Variants in BEND3 observed in about 807,000 individuals in gnomAD.
The protein encoded by BEND3 is BEN domain-containing protein 3.
Under a neutral mutation model 60.1 loss-of-function variants are expected in BEND3, and 13 were observed. The ratio of observed to expected loss-of-function variants is 0.22; its 90% CI spans 0.14 to 0.34. The LOEUF (loss-of-function observed/expected upper bound fraction) is 0.34. Among genes scored for constraint, BEND3 ranks in the 10% least tolerant of loss-of-function variants. BEND3 has a pLI of 1.00. For missense variants in BEND3, 896 were observed against 1,138.1 expected (o/e 0.79, Z 3.06); for synonymous variants, 497 against 491.5 (o/e 1.01, Z -0.15).
At chr6:107,098,127 T>C (rs896040545) in intron 3 of BEND3, among the ~76,000 whole-genome samples, 4 of 152,180 alleles carry the variant, frequency 2.6e-5, no homozygotes, top group African/African-American at 4.8e-5. Context: ...CTGGGCAACA[T>C]AGTGAGATCC....
rs1554231435 is a variant in BEND3, at chr6:107,069,367, G to A, written c.1824C>T (p.Pro608=). ...AGTGGCGGATGAGCTTGATGCGGGAGGGGTCCAGCTGCTTCTTGCCCAGGG... is the reference window on the plus strand; with the variant it reads ...AGTGGCGGATGAGCTTGATGCGGGAAGGGTCCAGCTGCTTCTTGCCCAGGG... The part of the protein sequence containing the change: ...SGSLGKKQLD[P]SRIKLIRHYV... The change falls in exon 4 of 4, where the codon CCC becomes CCT. Residue 608 remains proline (P), a synonymous_variant. Transcript: ENST00000369042. 6.8e-6 allele frequency: 11 copies of A among 1,612,972 alleles called. No individual in the cohort carries two copies. Among genetic ancestry groups the A allele is most frequent in the East Asian group, 2.2e-5 (1 of 44,880 alleles).
At chr6:107,076,918 C>T (rs311231) in intron 3 of BEND3, among the ~76,000 whole-genome samples, 58,427 of 151,702 alleles carry the variant, frequency 0.39, 11,233 homozygotes, top group East Asian at 0.46. Context: ...CTGCAACCTT[C>T]GCCATCACTC....
intron 3 of BEND3, among the ~76,000 whole-genome samples, chr6:107,073,448 C>T (rs1460851108): frequency 1.3e-5 from 2 of 151,492 alleles, no homozygotes; most frequent in Non-Finnish European, 2.9e-5. Flanking sequence ...CCCATCCTGT[C>T]AAACTGCATG....
intron 1 of BEND3, among the ~76,000 whole-genome samples, chr6:107,108,829 G>A (rs1775877955): frequency 6.6e-6 from 1 of 152,124 alleles, no homozygotes; most frequent in South Asian, 2.1e-4. Flanking sequence ...GATTTGAGAT[G>A]GAGTCTCGCT....
intron 1 of BEND3, among the ~76,000 whole-genome samples, chr6:107,113,460 A>C (rs1035624134): frequency 1.7e-4 from 25 of 150,846 alleles, no homozygotes; most frequent in East Asian, 1.2e-3. Context: ...AAAACAAAAA[A>C]AAAACTCATG....
At chr6:107,094,713 G>T (rs367989168) in intron 3 of BEND3, among the ~76,000 whole-genome samples, 127 of 151,744 alleles carry the variant, frequency 8.4e-4, no homozygotes, top group African/African-American at 2.8e-3. Context: ...AGTTAGCCAG[G>T]CATGGTGCTG....
Position 107,086,898 on chromosome 6 carries a change from G to A in BEND3, c.240+11653C>T, listed in dbSNP as rs564288369. Among the ~76,000 whole-genome samples the A allele has an allele frequency of 2.7e-4, 41 of 151,710 alleles. 1 individual carries two copies. In the South Asian group the frequency reaches 4.2e-3, roughly 15 times the overall value. ...AAATAAGCTGGGCATGGTTGTACAC[G>A]CCTGTAGTCACAGCTACTCGGGAGG... On this transcript the variant is annotated intron_variant, in intron 3 of 3. Coordinates refer to ENST00000369042, the MANE Select transcript of BEND3 (RefSeq NM_001367314.1).
At chr6:107,074,276 G>A (rs1434540103) in intron 3 of BEND3, among the ~76,000 whole-genome samples, 2 of 152,132 alleles carry the variant, frequency 1.3e-5, no homozygotes, top group South Asian at 2.1e-4. Context: ...TTAGTTGGGT[G>A]TGGTGGCGCG....
chr6:107,110,256 C>T (rs1209358843), intron 1 of BEND3, among the ~76,000 whole-genome samples: 2 of 152,124 alleles, frequency 1.3e-5, no homozygotes, highest in African/African-American at 4.8e-5. Flanking sequence ...GGTTTTCATA[C>T]AAAATTCACA....
chr6:107,086,547 G>A (rs926809221), intron 3 of BEND3, among the ~76,000 whole-genome samples: 2 of 151,768 alleles, frequency 1.3e-5, no homozygotes, highest in African/African-American at 2.4e-5. Context: ...TCTGGGAGGC[G>A]AAGGTTGCAG....
intron 3 of BEND3, among the ~76,000 whole-genome samples, chr6:107,096,504 C>T (rs567130579): frequency 9.9e-4 from 150 of 152,122 alleles, no homozygotes; most frequent in Middle Eastern, 3.4e-3. Context: ...CCCAGCTACT[C>T]GGGAGGATGA....
At chr6:107,072,152 CT>C (rs1774997205) in intron 3 of BEND3, among the ~76,000 whole-genome samples, 1 of 152,208 alleles carries the variant, frequency 6.6e-6, no homozygotes, top group Non-Finnish European at 1.5e-5. Flanking sequence ...AGCAGGGAGC[CT>C]TTGCTCCCAC....
At chr6:107,077,348 T>A (rs1042039262) in intron 3 of BEND3, among the ~76,000 whole-genome samples, 97 of 152,252 alleles carry the variant, frequency 6.4e-4, no homozygotes, top group African/African-American at 2.2e-3. Context: ...ACCCCACTAC[T>A]GATCAGCAGG....
intron 3 of BEND3, among the ~76,000 whole-genome samples, chr6:107,091,929 G>A (rs1254906727): frequency 1.3e-5 from 2 of 152,146 alleles, no homozygotes; most frequent in Non-Finnish European, 2.9e-5. Flanking sequence ...GATTTGAGTC[G>A]TAATTCTGTC....
At chr6:107,112,847 C>A (rs1383910639) in intron 1 of BEND3, among the ~76,000 whole-genome samples, 2 of 143,060 alleles carry the variant, frequency 1.4e-5, no homozygotes, top group East Asian at 4.2e-4. Context: ...GAGCAAAACT[C>A]TGTCTCAAGA....
At chr6:107,105,428 C>G (rs1554237298) in intron 1 of BEND3, among the ~76,000 whole-genome samples, 1 of 151,222 alleles carries the variant, frequency 6.6e-6, no homozygotes, top group African/African-American at 2.4e-5. Context: ...GTCTTCTAAG[C>G]AGGGGGCGGT....
At chr6:107,079,420 T>C (rs1048700038) in intron 3 of BEND3, among the ~76,000 whole-genome samples, 3 of 152,188 alleles carry the variant, frequency 2.0e-5, no homozygotes, top group South Asian at 2.1e-4. Context: ...GAGGGTCTAA[T>C]TGAGCTGGTT....
chr6:107,096,990 AAAAC>A (rs782248437), intron 3 of BEND3, among the ~76,000 whole-genome samples: 37 of 152,218 alleles, frequency 2.4e-4, no homozygotes, highest in South Asian at 1.0e-3. Context: ...GTCTCAGACA[AAAAC>A]AAACAAACAA....
At chr6:107,106,040 A>T (rs566105142) in intron 1 of BEND3, 5 of 152,366 alleles carry the variant, frequency 3.3e-5, no homozygotes, top group African/African-American at 1.2e-4. Flanking sequence ...AAACAAACTC[A>T]AGGATTTTAA....
Sources: allele counts gnomAD v4.1 joint callset (sites outside exome capture counted in the v4.1 genomes callset), GRCh38; gene constraint gnomAD v4.1.1; transcripts MANE v1.5; gene names NCBI Gene and HGNC (gene_info 2026-07-23, HGNC 2026-07-21).